Variants in ATP8B1 observed in about 807,000 individuals in gnomAD.
ATP8B1 encodes the protein phospholipid-transporting ATPase IC.
ATP8B1 carries 80 observed loss-of-function variants against 149.9 expected under a neutral mutation model. The ratio of observed to expected loss-of-function variants is 0.53; its 90% CI spans 0.45 to 0.64. ATP8B1 has a LOEUF of 0.64. Ranked by LOEUF, ATP8B1 falls within the 30% of genes least tolerant of loss-of-function variation. The pLI is 0.00. For missense variants in ATP8B1, 1,247 were observed against 1,552.6 expected (o/e 0.80, Z 3.31); for synonymous variants, 536 against 562.8 (o/e 0.95, Z 0.67).
Position 57,662,613 on chromosome 18 carries a change from G to A in ATP8B1, c.2288C>T (p.Ser763Phe). ...GTTTTCCATCCTTGCATGAAGAAGA[G>A]AACTAGGGGAAACCAAATTTCAGTG... ...TTICYGEDIN[S>F]LLHARMENQR... Residue 763 changes from serine to phenylalanine, a missense_variant and splice_region_variant, in exon 21 of 28, where the codon TCT (serine) becomes TTT (phenylalanine). Ser to Phe is a radical substitution (Grantham distance 155). This residue lies in a region of ATP8B1 where 853 missense variants were observed against 1,035.7 expected (regional missense o/e 0.82). Transcript: ENST00000648908. 1 of 1,614,114 alleles carries A rather than the reference G, an allele frequency of 6.2e-7. No individual in the cohort carries two copies. Among genetic ancestry groups the A allele is most frequent in the South Asian group, 1.1e-5 (1 of 91,078 alleles).
chr18:57,678,410 A>C (rs934955505), intron 15 of ATP8B1, among the ~76,000 whole-genome samples: 4 of 147,706 alleles, frequency 2.7e-5, no homozygotes, highest in Non-Finnish European at 6.1e-5. Flanking sequence ...ACATAGTGAA[A>C]CCCCGTCTCT....
At chr18:57,671,410 G>T in intron 17 of ATP8B1, 58 bp downstream of exon 17, 1 of 1,382,074 alleles carries the variant, frequency 7.2e-7, no homozygotes, top group Non-Finnish European at 1.0e-6. Context: ...AAACTTAACA[G>T]ACAGCATCAG....
chr18:57,729,586 T>C (rs1568042304), intron 2 of ATP8B1, among the ~76,000 whole-genome samples: 1 of 146,768 alleles, frequency 6.8e-6, no homozygotes, highest in Non-Finnish European at 1.5e-5. Flanking sequence ...GTTTCACTCT[T>C]GTTGCCCAGG....
intron 1 of ATP8B1, among the ~76,000 whole-genome samples, chr18:57,770,067 ATTTTT>A (rs67664390): frequency 6.7e-5 from 9 of 133,998 alleles, no homozygotes; most frequent in Non-Finnish European, 7.9e-5. Flanking sequence ...GCTGAACTGC[ATTTTT>A]TTTTTTTTTT....
rs554616419 is a variant in ATP8B1, at chr18:57,715,105, A to G, written c.182-8518T>C. Among the ~76,000 whole-genome samples, 12 of 151,982 alleles carry G rather than the reference A, an allele frequency of 7.9e-5. No homozygotes were observed. In the South Asian group the frequency reaches 2.3e-3, roughly 29 times the overall value. ...GATAAACTTAACAAAGAGGAAACTC[A>G]AAGAAATTCAAGACAACACAGAAAA... is the stretch of plus-strand genomic sequence containing the variant. On this transcript the variant is annotated intron_variant, in intron 2 of 27. Transcript: ENST00000648908.
rs73959353 is a variant in ATP8B1, at chr18:57,784,670, T to C, written c.-26+18328A>G. On this transcript the variant is annotated intron_variant, in intron 1 of 27. Coordinates refer to ENST00000648908, the MANE Select transcript of ATP8B1 (RefSeq NM_001374385.1). This position sits in a 1 kb window ranked among gnomAD's most constrained non-coding sequence, Gnocchi z 4.4. ...TTTAGGGGCATGCAGGAGAGTATTATGAAACGTGCAGGAGAGTATTATGAA... is the reference window on the plus strand; with the variant it reads ...TTTAGGGGCATGCAGGAGAGTATTACGAAACGTGCAGGAGAGTATTATGAA... Among the ~76,000 whole-genome samples the C allele has an allele frequency of 0.023, 3,361 of 147,338 alleles. 110 individuals are homozygous for C. Among genetic ancestry groups the C allele is most frequent in the African/African-American group, 0.087 (3,191 of 36,838 alleles).
At chr18:57,791,265 T>C (rs2080460938) in intron 1 of ATP8B1, among the ~76,000 whole-genome samples, 7 of 152,226 alleles carry the variant, frequency 4.6e-5, no homozygotes. Flanking sequence ...TTGCATCTCA[T>C]TTATTTCATT....
chr18:57,695,260 G>C lies in ATP8B1; in HGVS notation c.851C>G (p.Thr284Arg), dbSNP rs538770609. ...KFTGTLFWRN[T>R]SFPLDADKIL... ...TTTATCAGCATCCAAAGGAAAACTT[G>C]TGTTTCTCCAAAATAGTGTTCCTGT... Residue 284 changes from threonine (T) to arginine (R), a missense_variant, in exon 10 of 28, where the codon ACA (threonine) becomes AGA (arginine). By Grantham distance (71) the Thr-to-Arg change is moderately conservative. This residue lies in a region of ATP8B1 where 853 missense variants were observed against 1,035.7 expected (regional missense o/e 0.82). Transcript: ENST00000648908. 2.7e-5 allele frequency: 43 copies of C among 1,613,628 alleles called. 1 individual carries two copies. In the South Asian group the frequency reaches 4.5e-4, roughly 17 times the overall value.
At chr18:57,671,370 G>T in intron 17 of ATP8B1, 98 bp downstream of exon 17, 5 of 1,047,186 alleles carry the variant, frequency 4.8e-6, no homozygotes, top group East Asian at 2.5e-5. Context: ...AGCAAAGGGA[G>T]GGTCAGCAGT....
At chr18:57,671,801 A>G (rs992419125) in intron 16 of ATP8B1, among the ~76,000 whole-genome samples, 2 of 151,500 alleles carry the variant, frequency 1.3e-5, no homozygotes, top group African/African-American at 4.9e-5. Context: ...TTTTATTTTT[A>G]TAGACATTGG....
intron 15 of ATP8B1, among the ~76,000 whole-genome samples, chr18:57,679,960 C>T (rs1358190227): frequency 2.0e-5 from 3 of 151,716 alleles, no homozygotes; most frequent in Non-Finnish European, 2.9e-5. Flanking sequence ...TCACTGCACC[C>T]GGCTCACTCT....
At chr18:57,661,486 GTTACATTCACTTTAGTTT>G in intron 21 of ATP8B1, 24 bp from the exon 22 acceptor site, 1 of 1,610,368 alleles carries the variant, frequency 6.2e-7, no homozygotes, top group East Asian at 2.2e-5. Context: ...GAGGGAAAAG[GTTACATTCACTTTAGTTT>G]TACCCCAGGA....
chr18:57,744,288 T>A (rs1161446890), intron 1 of ATP8B1, among the ~76,000 whole-genome samples: 1 of 118,682 alleles, frequency 8.4e-6, no homozygotes, highest in Non-Finnish European at 1.6e-5. Context: ...CCAGCCTGGG[T>A]GACAGAGTGA....
chr18:57,684,601 T>C lies in ATP8B1; in HGVS notation c.1474-409A>G, dbSNP rs76886033. Among the ~76,000 whole-genome samples the C allele has an allele frequency of 5.9e-3, 897 of 152,240 alleles. 6 individuals carry two copies. The highest frequency in any genetic ancestry group is 0.02 in the African/African-American group (833 of 41,552). ...CCTTGACTCAATTGATCTGCCAAAC[T>C]TAGCCTCCCAAAGTGCTGGGATTAC... On this transcript the variant is annotated intron_variant, in intron 14 of 27. Coordinates refer to ENST00000648908, the MANE Select transcript of ATP8B1 (RefSeq NM_001374385.1).
chr18:57,666,871 A>G (rs951911059), intron 20 of ATP8B1, among the ~76,000 whole-genome samples: 4 of 152,164 alleles, frequency 2.6e-5, no homozygotes, highest in African/African-American at 9.7e-5. Context: ...TGGCCTCTGA[A>G]GGGCCCCAAG....
intron 19 of ATP8B1, chr18:57,667,645 T>C (rs2122697746): frequency 5.0e-6 from 1 of 199,378 alleles, no homozygotes; most frequent in East Asian, 1.2e-4. Context: ...AAATGTGCTA[T>C]ATTATCAAAC....
chr18:57,706,600 G>A lies in ATP8B1; in HGVS notation c.182-13C>T, dbSNP rs1484701941. The A allele has an allele frequency of 5.6e-6, 9 of 1,602,816 alleles. No individual in the cohort carries two copies. Among genetic ancestry groups the A allele is most frequent in the Non-Finnish European group, 7.7e-6 (9 of 1,170,948 alleles). On this transcript the variant is annotated splice_polypyrimidine_tract_variant and intron_variant, in intron 2 of 27. Coordinates refer to ENST00000648908, the MANE Select transcript of ATP8B1 (RefSeq NM_001374385.1). ...TGCCATGTACATTCTTTAAAAAAAA[G>A]GGAGAAAAGTTCGTAAGTAGCAAAT... is the stretch of plus-strand genomic sequence containing the variant.
At chr18:57,795,012 A>G (rs1266475776) in intron 1 of ATP8B1, among the ~76,000 whole-genome samples, 1 of 152,112 alleles carries the variant, frequency 6.6e-6, no homozygotes, top group African/African-American at 2.4e-5. Flanking sequence ...TTTATGAAGG[A>G]TACATTTTAC....
At chr18:57,791,197 A>G (rs1380627622) in intron 1 of ATP8B1, among the ~76,000 whole-genome samples, 1 of 152,152 alleles carries the variant, frequency 6.6e-6, no homozygotes, top group Non-Finnish European at 1.5e-5. Flanking sequence ...TCTGTCTCTG[A>G]ACTTGACTAT....
Sources: gnomAD v4.1 joint callset for allele counts (sites outside exome capture counted in the v4.1 genomes callset) on GRCh38, gnomAD v4.1.1 for gene constraint, gnomAD v4.1.1 regional missense constraint, Gnocchi (gnomAD v3.1) non-coding constraint, MANE v1.5 for transcripts, NCBI Gene and HGNC (gene_info 2026-07-23, HGNC 2026-07-21) for gene names.